CTXN2: variants seen among roughly 807,000 people sequenced by gnomAD.
The protein encoded by CTXN2 is cortexin-2.
CTXN2 carries 3 observed loss-of-function variants against 5.7 expected under a neutral mutation model. That is an observed-to-expected ratio of 0.53 (90% CI 0.24 to 1.36). The LOEUF (loss-of-function observed/expected upper bound fraction) is 1.36. CTXN2 is among the 40% of genes most tolerant of loss of function. The pLI is 0.17. For missense variants in CTXN2, 87 were observed against 93.0 expected, an observed-to-expected ratio of 0.94 and a Z score of 0.26; for synonymous variants, 38 against 36.4, an observed-to-expected ratio of 1.04 and a Z score of -0.16.
At chr15:48,180,583 C>T (rs2040693138) in intron 1 of CTXN2, among the ~76,000 whole-genome samples, 1 of 152,204 alleles carries the variant, frequency 6.6e-6, no homozygotes, top group Non-Finnish European at 1.5e-5. Flanking sequence ...GCCATCTCTG[C>T]TCACTGCAAG....
intron 1 of CTXN2, 95 bp downstream of exon 1, chr15:48,191,948 T>C: frequency 5.0e-6 from 2 of 401,104 alleles, no homozygotes; most frequent in East Asian, 7.2e-5. Flanking sequence ...AAGCATGTCC[T>C]CATTCTCTTG....
At position 48,191,833 on chromosome 15, in the gene CTXN2, C is replaced by T; in HGVS notation, c.-78C>T. ...TAAGTCTACTGGCTGGACTTCATCT[C>T]CATGGCAACAAGCATGGAAGGTGAG... On this transcript the variant is annotated 5_prime_UTR_variant, in exon 1 of 2. Coordinates refer to ENST00000417307, the MANE Select transcript of CTXN2 (RefSeq NM_001145668.2). 2.2e-6 allele frequency: 1 copy of T among 456,026 alleles called. No individual in the cohort carries two copies. The highest frequency in any genetic ancestry group is 4.4e-6 in the Non-Finnish European group (1 of 226,790). 28.2% of individuals were successfully genotyped at this position (456,026 alleles called of 1,614,324 possible).
chr15:48,179,192 C>A (rs1480712707), intron 1 of CTXN2, among the ~76,000 whole-genome samples: 1 of 152,078 alleles, frequency 6.6e-6, no homozygotes, highest in African/African-American at 2.4e-5. Flanking sequence ...ATTGACATAA[C>A]CTTTTTCAGC....
chr15:48,182,875 C>T (rs920926774), intron 1 of CTXN2, among the ~76,000 whole-genome samples: 2 of 152,130 alleles, frequency 1.3e-5, no homozygotes, highest in Non-Finnish European at 2.9e-5. Context: ...TCACAAGGAA[C>T]CATGGCCAAG....
intron 1 of CTXN2, among the ~76,000 whole-genome samples, chr15:48,200,036 A>G (rs1445375569): frequency 6.6e-6 from 1 of 152,184 alleles, no homozygotes; most frequent in Non-Finnish European, 1.5e-5. Flanking sequence ...TTTGAAAGCT[A>G]CAAGTCCTGC....
intron 1 of CTXN2, among the ~76,000 whole-genome samples, chr15:48,195,797 A>G (rs934383897): frequency 3.3e-5 from 5 of 152,116 alleles, no homozygotes; most frequent in Admixed American, 3.3e-4. Context: ...GTGTTGTGGG[A>G]ATAAAATAAA....
intron 1 of CTXN2, among the ~76,000 whole-genome samples, chr15:48,184,213 G>A (rs779996391): frequency 1.4e-4 from 21 of 152,128 alleles, no homozygotes; most frequent in Non-Finnish European, 2.1e-4. Context: ...ATCTCCTATA[G>A]TTGCCTAAAG....
chr15:48,181,558 T>C (rs1261773337), intron 1 of CTXN2, among the ~76,000 whole-genome samples: 2 of 152,224 alleles, frequency 1.3e-5, no homozygotes, highest in Admixed American at 6.5e-5. Context: ...CATTCTTCTT[T>C]TTTTTAATTT....
chr15:48,194,268 T>G (rs1408059148), intron 1 of CTXN2, among the ~76,000 whole-genome samples: 1 of 152,138 alleles, frequency 6.6e-6, no homozygotes, highest in Non-Finnish European at 1.5e-5. Context: ...CAGGTAAATT[T>G]ATGGAGCTCT....
At chr15:48,189,335 A>G (rs2040790713), upstream of CTXN2, 1 of 152,266 alleles carries the variant, frequency 6.6e-6, no homozygotes, top group East Asian at 1.9e-4. Context: ...AGTGAGAATT[A>G]GAACTGTAAT....
chr15:48,186,181 A>T (rs1005418804), intron 1 of CTXN2, among the ~76,000 whole-genome samples: 1 of 152,236 alleles, frequency 6.6e-6, no homozygotes, highest in Non-Finnish European at 1.5e-5. Context: ...AGTACACTTT[A>T]AATGAAACAA....
chr15:48,191,753 C>A lies in CTXN2; in HGVS notation c.-158C>A, dbSNP rs1260336740. On this transcript the variant is annotated 5_prime_UTR_variant, in exon 1 of 2. Coordinates refer to ENST00000417307, the MANE Select transcript of CTXN2 (RefSeq NM_001145668.2). ...GACTCTACGCAGGTTCCAGAACACG[C>A]CTTCTACATTTGTTACTGAACCGAT... is the stretch of plus-strand genomic sequence containing the variant. 12 of 455,928 alleles carry A rather than the reference C, an allele frequency of 2.6e-5. No individual in the cohort carries two copies. Among genetic ancestry groups the A allele is most frequent in the Non-Finnish European group, 4.9e-5 (11 of 226,802 alleles). The allele number at this position is 455,928 out of a possible 1,614,324, so 28.2% of individuals were successfully genotyped here. A position where few individuals can be genotyped will look rare whatever the true frequency, so the allele number is the denominator to read the frequency against.
upstream of CTXN2, among the ~76,000 whole-genome samples, chr15:48,190,780 G>C (rs987300295): frequency 2.0e-5 from 3 of 152,194 alleles, no homozygotes; most frequent in African/African-American, 2.4e-5. Flanking sequence ...CTGTAACTGA[G>C]TTTGTTGAAA....
chr15:48,180,369 C>A (rs903172114), intron 1 of CTXN2, among the ~76,000 whole-genome samples: 12 of 152,340 alleles, frequency 7.9e-5, no homozygotes, highest in African/African-American at 2.9e-4. Context: ...CTTTACCATT[C>A]CATCTGACTG....
chr15:48,182,126 T>C (rs2040705795), intron 1 of CTXN2, among the ~76,000 whole-genome samples: 1 of 152,116 alleles, frequency 6.6e-6, no homozygotes, highest in Non-Finnish European at 1.5e-5. Context: ...TCTCTCTCCC[T>C]CCGTATCTCT....
At position 48,184,037 on chromosome 15, in the gene CTXN2, A is replaced by T. The variant is rs1384732890; in HGVS notation, c.-455+5637A>T. The stretch of plus-strand genomic sequence containing the variant: ...CTGTAGAACTACTGTAGACTAAAAA[A>T]TTATTACAATTAATCAGTCCTCAAA... On this transcript the variant is annotated intron_variant, in intron 1 of 2. Coordinates refer to the CTXN2 transcript ENST00000644354. 3.9e-5 allele frequency among the ~76,000 whole-genome samples: 6 copies of T among 152,324 alleles called. No homozygotes were observed. The East Asian group carries it at 9.6e-4, about 24-fold the overall frequency.
chr15:48,189,435 T>A (rs973075330), upstream of CTXN2: 2 of 152,214 alleles, frequency 1.3e-5, no homozygotes, highest in Admixed American at 1.3e-4. Context: ...CCAACCGTGA[T>A]AATAAATTAT....
At position 48,201,412 on chromosome 15, in the gene CTXN2, T is replaced by C. The variant is rs538657136; in HGVS notation, c.112T>C (p.Cys38Arg). The C allele has an allele frequency of 3.9e-6, 6 of 1,551,430 alleles. No individual in the cohort carries two copies. In the South Asian group the frequency reaches 5.9e-5, roughly 15 times the overall value. Residue 38 changes from cysteine (C) to arginine (R), a missense_variant, in exon 2 of 2, where the codon TGT (cysteine) becomes CGT (arginine). Coordinates refer to ENST00000417307, the MANE Select transcript of CTXN2 (RefSeq NM_001145668.2). ...KTGFAFVGIL[C>R]IFLGLLIIRC... ...TGGCTTTGCTTTTGTTGGGATTTTGTGTATCTTCTTGGGACTTCTTATTAT... is the reference window on the plus strand; with the variant it reads ...TGGCTTTGCTTTTGTTGGGATTTTGCGTATCTTCTTGGGACTTCTTATTAT...
At chr15:48,201,017 A>G (rs879532196) in intron 1 of CTXN2, among the ~76,000 whole-genome samples, 5 of 152,322 alleles carry the variant, frequency 3.3e-5, no homozygotes, top group Non-Finnish European at 7.4e-5. Flanking sequence ...ATTTATTTAG[A>G]GTATGTGGGC....
Sources: allele counts gnomAD v4.1 joint callset (sites outside exome capture counted in the v4.1 genomes callset), GRCh38; gene constraint gnomAD v4.1.1; transcripts MANE v1.5; gene names NCBI Gene and HGNC (gene_info 2026-07-23, HGNC 2026-07-21).